The following PHIP variants were observed in gnomAD, a reference collection of about 807,000 sequenced individuals.
PHIP encodes the protein PH-interacting protein.
Under a neutral mutation model 236.8 loss-of-function variants are expected in PHIP, and 54 were observed. That is an observed-to-expected ratio of 0.23 (90% CI 0.18 to 0.29). The LOEUF (loss-of-function observed/expected upper bound fraction) is 0.29, where lower values mean the gene tolerates loss of function less well. Ranked by LOEUF, PHIP falls within the 10% of genes least tolerant of loss-of-function variation. The probability of loss-of-function intolerance (pLI) is 1.00; values close to 1 mark genes in which losing one functional copy is unlikely to be tolerated. For synonymous variants in PHIP, 756 were observed against 718.9 expected (o/e 1.05, Z -0.83); for missense variants, 1,370 against 2,190.8 (o/e 0.63, Z 7.48).
chr6:79,005,423 G>A (rs1770235344), intron 15 of PHIP, among the ~76,000 whole-genome samples: 1 of 151,760 alleles, frequency 6.6e-6, no homozygotes, highest in Admixed American at 6.6e-5. Context: ...TTATTTTTCA[G>A]TGTTTTCCTA....
In PHIP at chr6:78,955,701, T is replaced by A. The variant is rs909346338; in HGVS notation, c.3783-19A>T. 1 of 802,662 alleles carries A rather than the reference T, an allele frequency of 1.2e-6. No individual in the cohort carries two copies. The highest frequency in any genetic ancestry group is 2.1e-6 in the Non-Finnish European group (1 of 485,698). 49.7% of individuals were successfully genotyped at this position (802,662 alleles called of 1,614,324 possible). On this transcript the variant is annotated intron_variant, in intron 32 of 39. Coordinates refer to ENST00000275034, the MANE Select transcript of PHIP (RefSeq NM_017934.7). ...CTGATCCCTACATAACAAGGAAATGTTAACATGTAAGATTAGAACCATGAT... is the reference window on the plus strand; with the variant it reads ...CTGATCCCTACATAACAAGGAAATGATAACATGTAAGATTAGAACCATGAT...
At chr6:78,948,472 T>C (rs1773952382) in intron 35 of PHIP, among the ~76,000 whole-genome samples, 1 of 152,162 alleles carries the variant, frequency 6.6e-6, no homozygotes, top group African/African-American at 2.4e-5. Context: ...TATGCTATTT[T>C]TTTTTAGCAG....
chr6:78,973,868 T>A (rs559847844), intron 24 of PHIP, among the ~76,000 whole-genome samples: 1 of 151,646 alleles, frequency 6.6e-6, no homozygotes, highest in East Asian at 2.0e-4. Context: ...GCACCCAGAT[T>A]CATAAAGCAA....
Position 78,935,850 on chromosome 6 carries a change from C to G in PHIP, c.*4843G>C. 2 of 555,026 alleles carry G rather than the reference C, an allele frequency of 3.6e-6. No individual in the cohort carries two copies. The highest frequency in any genetic ancestry group is 4.6e-6 in the Non-Finnish European group (2 of 436,796). The allele number at this position is 555,026 out of a possible 1,614,324, so 34.4% of individuals were successfully genotyped here. A position where few individuals can be genotyped will look rare whatever the true frequency, so the allele number is the denominator to read the frequency against. On this transcript the variant is annotated 3_prime_UTR_variant, in exon 40 of 40. Coordinates refer to ENST00000275034, the MANE Select transcript of PHIP (RefSeq NM_017934.7). ...AAACTTTAAAAAGCAAATAATAAAT[C>G]ATGAGGCTCTACAAAATAGCTTAGA...
chr6:78,977,377 G>C (rs949501046), intron 24 of PHIP, among the ~76,000 whole-genome samples: 6 of 152,036 alleles, frequency 3.9e-5, no homozygotes, highest in Non-Finnish European at 5.9e-5. Context: ...GGACTGTTGT[G>C]GGGTGGGGGA....
At chr6:79,014,180 A>C (rs1385991076) in intron 15 of PHIP, among the ~76,000 whole-genome samples, 1 of 151,728 alleles carries the variant, frequency 6.6e-6, no homozygotes, top group Non-Finnish European at 1.5e-5. Flanking sequence ...CGACATAGAA[A>C]TAACTTTACT....
At chr6:78,952,766 C>T (rs1766131166) in intron 35 of PHIP, among the ~76,000 whole-genome samples, 1 of 151,908 alleles carries the variant, frequency 6.6e-6, no homozygotes, top group Admixed American at 6.6e-5. Flanking sequence ...CACTCTTTTC[C>T]TCTCAAATAA....
intron 15 of PHIP, 29 bp downstream of exon 15, chr6:79,015,053 A>G: frequency 6.3e-7 from 1 of 1,581,236 alleles, no homozygotes; most frequent in Non-Finnish European, 8.7e-7. Context: ...AATCTTTAGT[A>G]GGTATAAAAT....
chr6:78,945,110 G>C (rs1773729485), intron 39 of PHIP, among the ~76,000 whole-genome samples, 190 bp downstream of exon 39: 1 of 150,164 alleles, frequency 6.7e-6, no homozygotes, highest in African/African-American at 2.5e-5. Flanking sequence ...TTGAGACAGG[G>C]TCTCATTCTG....
chr6:78,944,099 CAATT>C (rs989084579), intron 39 of PHIP, among the ~76,000 whole-genome samples: 4 of 146,498 alleles, frequency 2.7e-5, no homozygotes, highest in African/African-American at 1.0e-4. Flanking sequence ...AGGCAACAGA[CAATT>C]AAACTAGGAG....
intron 27 of PHIP, 56 bp downstream of exon 27, chr6:78,969,779 T>C: frequency 2.5e-6 from 2 of 792,390 alleles, no homozygotes; most frequent in South Asian, 1.9e-5. Flanking sequence ...AGTAAATCAC[T>C]TACTAAGAAA....
At chr6:78,970,733 T>C (rs1342192146) in intron 25 of PHIP, 48 bp downstream of exon 25, 1 of 1,212,638 alleles carries the variant, frequency 8.2e-7, no homozygotes. Flanking sequence ...TTCTCCAAAT[T>C]CCATAATTGT....
chr6:79,031,092 C>T (rs962905971), intron 7 of PHIP, among the ~76,000 whole-genome samples: 19 of 151,920 alleles, frequency 1.3e-4, no homozygotes, highest in African/African-American at 2.9e-4. Flanking sequence ...TACAGGCGTC[C>T]GCCACCACAC....
At chr6:79,004,687 A>G (rs908491990) in intron 15 of PHIP, among the ~76,000 whole-genome samples, 2 of 152,126 alleles carry the variant, frequency 1.3e-5, no homozygotes, top group Admixed American at 6.6e-5. Context: ...GAATCGGAAC[A>G]CACACACATT....
Position 78,963,150 on chromosome 6 carries a change from C to A in PHIP, c.3482G>T (p.Arg1161Met). 1 of 1,609,914 alleles carries A rather than the reference C, an allele frequency of 6.2e-7. No individual in the cohort carries two copies. The highest frequency in any genetic ancestry group is 8.5e-7 in the Non-Finnish European group (1 of 1,178,114). Residue 1161 changes from arginine to methionine, a missense_variant, in exon 30 of 40, where the codon AGG (arginine) becomes ATG (methionine). Physicochemically the swap from Arg to Met is moderately conservative, Grantham distance 91 (BLOSUM62 -1). This residue lies in a region of PHIP where 238 missense variants were observed against 398.5 expected (regional missense o/e 0.60). Transcript: ENST00000275034. ...CACAATTCTTTCACATTCTTCATCC[C>A]TGGGATTGGTACCCCATTCTCCATC... ...PLDGEWGTNP[R>M]DEECERIVAG... is the part of the protein sequence containing the mutation.
chr6:78,958,318 G>C (rs1217983623), intron 32 of PHIP, 157 bp downstream of exon 32: 6 of 491,260 alleles, frequency 1.2e-5, no homozygotes, highest in Non-Finnish European at 2.2e-5. Context: ...TCAAACCAGA[G>C]ACCTTTAGAT....
chr6:79,016,544 C>A lies in PHIP; in HGVS notation c.1235G>T (p.Gly412Val), dbSNP rs755256432. ...TAATATTTCAAATTTGACCTCTTAC[C>A]CTGCTGGACGAGTAGCCATATCCAA... ...ILLDMATRPA[G>V]QNLQGIEDKI... The change falls in exon 13 of 40, where the codon GGC becomes GTC. Residue 412 changes from glycine (G) to valine (V), a missense_variant and splice_region_variant. This residue lies in a region of PHIP where 188 missense variants were observed against 354.3 expected (regional missense o/e 0.53). Coordinates refer to ENST00000275034, the MANE Select transcript of PHIP (RefSeq NM_017934.7). The A allele has an allele frequency of 5.7e-6, 9 of 1,592,490 alleles. No individual in the cohort carries two copies. The highest frequency in any genetic ancestry group is 7.7e-6 in the Non-Finnish European group (9 of 1,161,820).
At chr6:78,983,788 A>C (rs1300425242) in intron 22 of PHIP, among the ~76,000 whole-genome samples, 3 of 152,186 alleles carry the variant, frequency 2.0e-5, no homozygotes, top group Non-Finnish European at 4.4e-5. Context: ...GATTCAGAAA[A>C]ATACAGGCCT....
At chr6:78,954,341 C>T (rs1046283178) in intron 35 of PHIP, among the ~76,000 whole-genome samples, 4 of 151,746 alleles carry the variant, frequency 2.6e-5, no homozygotes, top group Non-Finnish European at 4.4e-5. Context: ...CTCCTGACCT[C>T]GTGATCTGCC....
Sources: gnomAD v4.1 joint callset for allele counts (sites outside exome capture counted in the v4.1 genomes callset) on GRCh38, gnomAD v4.1.1 for gene constraint, gnomAD v4.1.1 regional missense constraint, MANE v1.5 for transcripts, NCBI Gene and HGNC (gene_info 2026-07-23, HGNC 2026-07-21) for gene names.